The following A2M variants were observed in gnomAD, a reference collection of about 807,000 sequenced individuals.
A2M encodes C3 and PZP-like alpha-2-macroglobulin domain-containing protein 5.
A neutral mutation model predicts 183.9 loss-of-function variants in A2M; 128 were observed. That is an observed-to-expected ratio of 0.70 (90% CI 0.60 to 0.81). The LOEUF is 0.81. A2M is among the 30% of genes least tolerant of loss of function. The pLI, the probability that A2M is intolerant of heterozygous loss-of-function variation, is 0.00. For missense variants in A2M, 1,495 were observed against 1,787.6 expected (o/e 0.84, Z 2.95); for synonymous variants, 592 against 670.8 (o/e 0.88, Z 1.81).
intron 23 of A2M, 97 bp from the exon 24 acceptor site, chr12:9,079,912 AT>A: frequency 8.1e-7 from 1 of 1,236,318 alleles, no homozygotes; most frequent in East Asian, 2.6e-5. Flanking sequence ...GAAATTGAGA[AT>A]TTTTAGGAAG....
intron 33 of A2M, 108 bp from the exon 34 acceptor site, chr12:9,068,950 GCACA>G: frequency 2.9e-6 from 2 of 690,290 alleles, no homozygotes; most frequent in African/African-American, 1.8e-5. Flanking sequence ...TTATCCTACA[GCACA>G]CTATAGGGTC....
At position 9,068,942 on chromosome 12, in the gene A2M, A is replaced by G. The variant is rs767815172; in HGVS notation, c.4264-100T>C. On this transcript the variant is annotated intron_variant, in intron 33 of 35. Coordinates refer to ENST00000318602, the MANE Select transcript of A2M (RefSeq NM_000014.6). ...TGTTTTTTGGGGGAAAAGCTTTATTATCCTACAGCACACTATAGGGTCCTT... is the reference window on the plus strand; with the variant it reads ...TGTTTTTTGGGGGAAAAGCTTTATTGTCCTACAGCACACTATAGGGTCCTT... 9.5e-5 allele frequency: 72 copies of G among 761,778 alleles called. No homozygotes were observed. In the East Asian group the frequency reaches 1.9e-3, roughly 20 times the overall value. The allele number at this position is 761,778 out of a possible 1,614,324, so 47.2% of individuals were successfully genotyped here.
At chr12:9,088,271 A>T (rs1416199490) in intron 22 of A2M, among the ~76,000 whole-genome samples, 1 of 151,702 alleles carries the variant, frequency 6.6e-6, no homozygotes, top group Non-Finnish European at 1.5e-5. Flanking sequence ...TTTTTTAAAG[A>T]AGAATATATT....
intron 2 of A2M, 137 bp downstream of exon 2, chr12:9,113,223 T>A: frequency 1.2e-6 from 1 of 845,282 alleles, no homozygotes; most frequent in Non-Finnish European, 1.8e-6. Flanking sequence ...CTCCTTAATT[T>A]CTATACTTAG....
intron 20 of A2M, 49 bp from the exon 21 acceptor site, chr12:9,090,072 T>A (rs758345712): frequency 6.4e-7 from 1 of 1,564,790 alleles, no homozygotes; most frequent in Non-Finnish European, 8.7e-7. Context: ...CCTTCCTCCA[T>A]GCCTCCAAAC....
At chr12:9,093,386 A>T (rs1592364057) in intron 18 of A2M, 79 bp downstream of exon 18, 2 of 949,788 alleles carry the variant, frequency 2.1e-6, no homozygotes, top group East Asian at 4.9e-5. Flanking sequence ...AAAACAATAA[A>T]AACAGAAAAA....
intron 2 of A2M, among the ~76,000 whole-genome samples, chr12:9,113,045 C>T (rs1044336078): frequency 9.9e-5 from 15 of 151,512 alleles, no homozygotes; most frequent in Admixed American, 7.9e-4. Context: ...TCATGTTGAG[C>T]CTTGGTCTAG....
chr12:9,069,122 G>T, intron 33 of A2M: 1 of 241,434 alleles, frequency 4.1e-6, no homozygotes, highest in Non-Finnish European at 7.9e-6. Flanking sequence ...GACTAACTGT[G>T]TTCATTTTTT....
At chr12:9,094,355 A>G (rs751522252) in intron 17 of A2M, among the ~76,000 whole-genome samples, 2 of 143,506 alleles carry the variant, frequency 1.4e-5, no homozygotes, top group Non-Finnish European at 3.0e-5. Context: ...ATATATATAT[A>G]TATATATATA....
intron 25 of A2M, among the ~76,000 whole-genome samples, chr12:9,078,809 AT>A (rs1456864228): frequency 6.6e-6 from 1 of 152,196 alleles, no homozygotes; most frequent in Non-Finnish European, 1.5e-5. Context: ...ATTTAAAAAA[AT>A]GTTTTATATT....
intron 25 of A2M, among the ~76,000 whole-genome samples, chr12:9,078,092 C>T (rs1186781786): frequency 6.6e-6 from 1 of 151,982 alleles, no homozygotes; most frequent in South Asian, 2.1e-4. Flanking sequence ...ATTTTAGTTC[C>T]GAGATACATG....
intron 17 of A2M, among the ~76,000 whole-genome samples, chr12:9,094,451 G>A (rs1949312860): frequency 6.7e-6 from 1 of 148,984 alleles, no homozygotes; most frequent in Non-Finnish European, 1.5e-5. Flanking sequence ...AATAAAATAT[G>A]CGGTAGGCTT....
At position 9,072,392 on chromosome 12, in the gene A2M, G is replaced by A. The variant is rs1565577104; in HGVS notation, c.4070C>T (p.Ala1357Val). 1 of 1,613,950 alleles carries A rather than the reference G, an allele frequency of 6.2e-7. No homozygotes were observed. Among genetic ancestry groups the A allele is most frequent in the Non-Finnish European group, 8.5e-7 (1 of 1,179,862 alleles). The part of the protein sequence containing the change: ...TLPQTCDEPK[A>V]HTSFQISLSV... ...TAGGGAGATTTGGAAGCTGGTGTGG[G>A]CTTTGGGTTCATCACAAGTTTGAGG... The change falls in exon 31 of 36, where the codon GCC becomes GTC. Residue 1357 changes from alanine to valine, a missense_variant. Transcript: ENST00000318602.
chr12:9,089,855 ATATAT>A (rs772057256), intron 21 of A2M, 42 bp downstream of exon 21: 29 of 1,237,596 alleles, frequency 2.3e-5, no homozygotes, highest in Non-Finnish European at 3.1e-5. Flanking sequence ...TATTACCCAC[ATATAT>A]TATATATTAT....
intron 15 of A2M, 47 bp from the exon 16 acceptor site, chr12:9,095,747 T>G: frequency 1.9e-5 from 23 of 1,230,890 alleles, no homozygotes; most frequent in Non-Finnish European, 2.1e-5. Context: ...TGTGACTTTT[T>G]TTTTTTTTTT....
chr12:9,099,603 C>T, intron 13 of A2M, 80 bp from the exon 14 acceptor site: 1 of 1,468,972 alleles, frequency 6.8e-7, no homozygotes, highest in South Asian at 1.4e-5. Flanking sequence ...ACATAATAAA[C>T]AGTAGATGTA....
intron 30 of A2M, 56 bp downstream of exon 30, chr12:9,072,597 A>G: frequency 6.2e-7 from 1 of 1,601,778 alleles, no homozygotes. Context: ...AGGACTTCTC[A>G]GAGAGAACAG....
chr12:9,089,986 C>G lies in A2M; in HGVS notation c.2634G>C (p.Glu878Asp), dbSNP rs770401918. 6.2e-7 allele frequency: 1 copy of G among 1,605,958 alleles called. No homozygotes were observed. The highest frequency in any genetic ancestry group is 8.5e-7 in the Non-Finnish European group (1 of 1,173,432). ...CCTCAGTCCCACACAGCTCTTGAGACTCTAGTGCCTCTGCGCTCACAGTGA... is the reference window on the plus strand; with the variant it reads ...CCTCAGTCCCACACAGCTCTTGAGAGTCTAGTGCCTCTGCGCTCACAGTGA... ...VNFTVSAEAL[E>D]SQELCGTEVP... Residue 878 changes from glutamate to aspartate, a missense_variant, in exon 21 of 36, where the codon GAG (glutamate) becomes GAC (aspartate). Glu to Asp is a conservative substitution (Grantham distance 45). Transcript: ENST00000318602.
chr12:9,079,590 T>G (rs1413038565), intron 24 of A2M, 49 bp downstream of exon 24: 2 of 1,539,230 alleles, frequency 1.3e-6, no homozygotes, highest in Non-Finnish European at 1.8e-6. Flanking sequence ...TACTGGGAAA[T>G]CCAGTTGAAA....
Sources: allele counts gnomAD v4.1 joint callset (sites outside exome capture counted in the v4.1 genomes callset), GRCh38; gene constraint gnomAD v4.1.1; transcripts MANE v1.5; gene names NCBI Gene and HGNC (gene_info 2026-07-23, HGNC 2026-07-21).